The following CNTNAP1 variants were observed in gnomAD, a reference collection of about 807,000 sequenced individuals.
The protein encoded by CNTNAP1 is contactin associated protein 1.
Under a neutral mutation model 161.5 loss-of-function variants are expected in CNTNAP1, and 80 were observed. The ratio of observed to expected loss-of-function variants is 0.50; its 90% confidence interval spans 0.41 to 0.60. The LOEUF is 0.60. Among genes scored for constraint, CNTNAP1 ranks in the 20% least tolerant of loss-of-function variants. CNTNAP1 has a pLI of 0.00. For synonymous variants in CNTNAP1, 695 were observed against 733.1 expected (o/e 0.95, Z 0.84); for missense variants, 1,464 against 1,854.8 (o/e 0.79, Z 3.87).
Position 42,690,066 on chromosome 17 carries a change from G to A in CNTNAP1, c.1736-22G>A, listed in dbSNP as rs3760386. The A allele has an allele frequency of 0.52, 836,108 of 1,610,640 alleles. 219,544 individuals carry two copies. Among genetic ancestry groups the A allele is most frequent in the South Asian group, 0.63 (57,431 of 91,038 alleles). The stretch of plus-strand genomic sequence containing the variant: ...GCCCTCTAACTCTCTAACTGCCTTT[G>A]TCTCAACCTATTATCTGCCAGCTTT... On this transcript the variant is annotated intron_variant, in intron 11 of 23. Coordinates refer to ENST00000264638, the MANE Select transcript of CNTNAP1 (RefSeq NM_003632.3).
rs2143655542 is a variant in CNTNAP1, at chr17:42,687,775, G to A, written c.1100G>A (p.Gly367Asp). Reference sequence around the variant, plus strand: ...GTACCGCACCCTATCAACTTCGGAGGCCCTCACAACTTCGTTCAAGTGCCC... The same window carrying A: ...GTACCGCACCCTATCAACTTCGGAGACCCTCACAACTTCGTTCAAGTGCCC... ...DPVPHPINFGGPHNFVQVPGF... is the reference protein window; with the variant it reads ...DPVPHPINFGDPHNFVQVPGF... Residue 367 changes from glycine (G) to aspartate (D), a missense_variant, in exon 8 of 24, where the codon GGC becomes GAC. Physicochemically the swap from Gly to Asp is moderately conservative, Grantham distance 94 (BLOSUM62 -1). Transcript: ENST00000264638. This position sits in a 1 kb window ranked among gnomAD's most constrained non-coding sequence, Gnocchi z 4.7. 3 of 1,614,230 alleles carry A rather than the reference G, an allele frequency of 1.9e-6. No homozygotes were observed. Among genetic ancestry groups the A allele is most frequent in the Non-Finnish European group, 2.5e-6 (3 of 1,180,032 alleles).
chr17:42,685,513 C>T lies in CNTNAP1; in HGVS notation c.715+93C>T, dbSNP rs114045118. The stretch of plus-strand genomic sequence containing the variant: ...ACCTCCTCCGCGCATCCGCGCTCAG[C>T]CTGGTCTTCCACTTCTCTAAGGCCT... On this transcript the variant is annotated intron_variant, in intron 5 of 23. Coordinates refer to ENST00000264638, the MANE Select transcript of CNTNAP1 (RefSeq NM_003632.3). The surrounding 1 kb of genome is among the most constrained non-coding windows in gnomAD (Gnocchi z 5.0). 2.4e-5 allele frequency: 30 copies of T among 1,231,000 alleles called. No homozygotes were observed. The African/African-American group carries it at 3.9e-4, about 16-fold the overall frequency. The allele number at this position is 1,231,000 out of a possible 1,614,324, so 76.3% of individuals were successfully genotyped here.
At chr17:42,689,474 C>A in intron 10 of CNTNAP1, 47 bp from the exon 11 acceptor site, 1 of 1,478,692 alleles carries the variant, frequency 6.8e-7, no homozygotes. Context: ...ACCCCACTCT[C>A]CAGCTCCCAG....
chr17:42,692,679 A>T lies in CNTNAP1; in HGVS notation c.2711A>T (p.Gln904Leu). The T allele has an allele frequency of 6.2e-7, 1 of 1,614,114 alleles. No individual in the cohort carries two copies. Among genetic ancestry groups the T allele is most frequent in the Middle Eastern group, 1.7e-4 (1 of 6,052 alleles). Reference sequence around the variant, plus strand: ...TGGGTTCTGCGGCCTATGCCACTGCAGACCTACATCTGGATGGAGTATGAC... The same window carrying T: ...TGGGTTCTGCGGCCTATGCCACTGCTGACCTACATCTGGATGGAGTATGAC... ...RPWVLRPMPL[Q>L]TYIWMEYDQP... The change falls in exon 17 of 24, where the codon CAG becomes CTG. Residue 904 changes from glutamine (Q) to leucine (L), a missense_variant. Around this residue, in one of 3 missense-constraint regions of CNTNAP1, gnomAD observed 1,383 missense variants for 1,765.0 expected, o/e 0.78. Transcript: ENST00000264638.
Position 42,683,866 on chromosome 17 carries a change from T to G in CNTNAP1, c.113T>G (p.Leu38Arg). ...GTGGGTCCCCTGTATGCACGCTCCC[T>G]GGGCGCCTCCTCCTACTACAGTCTC... is the stretch of plus-strand genomic sequence containing the variant. ...ELVGPLYARSLGASSYYSLLT... is the reference protein window; with the variant it reads ...ELVGPLYARSRGASSYYSLLT... Residue 38 changes from leucine to arginine, a missense_variant, in exon 2 of 24, where the codon CTG becomes CGG. This residue lies in a region of CNTNAP1 where 77 missense variants were observed against 73.6 expected (regional missense o/e 1.05). Coordinates refer to ENST00000264638, the MANE Select transcript of CNTNAP1 (RefSeq NM_003632.3). 6.2e-7 allele frequency: 1 copy of G among 1,613,256 alleles called. No homozygotes were observed.
In CNTNAP1 at chr17:42,699,041, C is replaced by G. The variant is rs954489042; in HGVS notation, c.*131C>G. 10 of 734,692 alleles carry G rather than the reference C, an allele frequency of 1.4e-5. No individual in the cohort carries two copies. The highest frequency in any genetic ancestry group is 1.9e-5 in the Non-Finnish European group (9 of 482,156). 45.5% of individuals were successfully genotyped at this position (734,692 alleles called of 1,614,324 possible). ...TCCAGAGGATATTCCCCCATCCCCC[C>G]CCCATCAAGTTTGGTGGGCAGAGCT... On this transcript the variant is annotated 3_prime_UTR_variant, in exon 24 of 24. Coordinates refer to ENST00000264638, the MANE Select transcript of CNTNAP1 (RefSeq NM_003632.3).
Position 42,691,978 on chromosome 17 carries a change from G to C in CNTNAP1, c.2517G>C (p.Arg839=), listed in dbSNP as rs375576310. 1 of 1,613,916 alleles carries C rather than the reference G, an allele frequency of 6.2e-7. No homozygotes were observed. Among genetic ancestry groups the C allele is most frequent in the African/African-American group, 1.3e-5 (1 of 74,918 alleles). The change falls in exon 16 of 24, where the codon CGG becomes CGC. Residue 839 remains arginine (R), a synonymous_variant. Coordinates refer to ENST00000264638, the MANE Select transcript of CNTNAP1 (RefSeq NM_003632.3). The surrounding 1 kb of genome is among the most constrained non-coding windows in gnomAD (Gnocchi z 4.3). ...GCCAGTGGCGCCGACCTTATGTGCG[G>C]GTGGAACTCAACAGTGAGCAGGCAG... ...PYCQWRRPYV[R]VELNTSRDVV...
rs1249583398 is a variant in CNTNAP1 at position 42,682,757 on chromosome 17, G to T, written c.-73G>T. ...CTGCAAACCCCAGGAGGAGAGCTTG[G>T]AGCCCAAGCCAGAACTCGAGCCCTA... On this transcript the variant is annotated 5_prime_UTR_variant, in exon 1 of 24. Transcript: ENST00000264638. 2.7e-6 allele frequency: 4 copies of T among 1,478,106 alleles called. No individual in the cohort carries two copies. Among genetic ancestry groups the T allele is most frequent in the Non-Finnish European group, 3.7e-6 (4 of 1,090,820 alleles). 91.6% of individuals were successfully genotyped at this position (1,478,106 alleles called of 1,614,324 possible). A position where few individuals can be genotyped will look rare whatever the true frequency, so the allele number is the denominator to read the frequency against.
intron 6 of CNTNAP1, among the ~76,000 whole-genome samples, 156 bp downstream of exon 6, chr17:42,686,297 G>T (rs1411633985): frequency 6.6e-6 from 1 of 151,938 alleles, no homozygotes. Context: ...CCAGCACTTT[G>T]GGAGGCTGAG....
Position 42,685,183 on chromosome 17 carries a change from C to T in CNTNAP1, c.512-34C>T. 6.2e-7 allele frequency: 1 copy of T among 1,611,456 alleles called. No individual in the cohort carries two copies. The highest frequency in any genetic ancestry group is 1.3e-5 in the African/African-American group (1 of 75,026). On this transcript the variant is annotated intron_variant, in intron 4 of 23. Coordinates refer to ENST00000264638, the MANE Select transcript of CNTNAP1 (RefSeq NM_003632.3). The surrounding 1 kb of genome is among the most constrained non-coding windows in gnomAD (Gnocchi z 5.0). ...GGAGGGGGCCTGGGAGACAGCCTCCCCAGTTCCCGGCCCACCTACGGTCCT... is the reference window on the plus strand; with the variant it reads ...GGAGGGGGCCTGGGAGACAGCCTCCTCAGTTCCCGGCCCACCTACGGTCCT...
At chr17:42,689,381 C>T (rs2053057035) in intron 10 of CNTNAP1, 140 bp from the exon 11 acceptor site, 1 of 662,148 alleles carries the variant, frequency 1.5e-6, no homozygotes, top group Middle Eastern at 2.6e-4. Flanking sequence ...TGCATCTGCG[C>T]TTATACCCGG....
Position 42,697,736 on chromosome 17 carries a change from G to A in CNTNAP1, c.3751G>A (p.Gly1251Arg), listed in dbSNP as rs749675222. 5 of 1,614,162 alleles carry A rather than the reference G, an allele frequency of 3.1e-6. No individual in the cohort carries two copies. The highest frequency in any genetic ancestry group is 1.3e-5 in the African/African-American group (1 of 75,022). Residue 1251 changes from glycine (G) to arginine (R), a missense_variant, in exon 22 of 24, where the codon GGA (glycine) becomes AGA (arginine). Coordinates refer to ENST00000264638, the MANE Select transcript of CNTNAP1 (RefSeq NM_003632.3). ...VQGELSESNC[G>R]AMPRLVSEVP... ...GGGAGAACTGTCCGAATCTAATTGC[G>A]GAGCTATGCCACGTCTTGTTTCAGA...
rs957895889 is a variant in CNTNAP1, at chr17:42,699,035, T to TC, written c.*134dup. 3,389 of 607,200 alleles carry TC rather than the reference T, an allele frequency of 5.6e-3. 2 individuals are homozygous for TC. The highest frequency in any genetic ancestry group is 0.014 in the East Asian group (387 of 27,844). 37.6% of individuals were successfully genotyped at this position (607,200 alleles called of 1,614,324 possible). On this transcript the variant is annotated 3_prime_UTR_variant, in exon 24 of 24. Coordinates refer to ENST00000264638, the MANE Select transcript of CNTNAP1 (RefSeq NM_003632.3). ...TGCTCATCCAGAGGATATTCCCCCA[T>TC]CCCCCCCCCATCAAGTTTGGTGGGC...
Position 42,685,886 on chromosome 17 carries a change from T to C in CNTNAP1, c.716-71T>C, listed in dbSNP as rs1170429339. Reference sequence around the variant, plus strand: ...CCTGGGCTTTGTTACACGCTGCTGCTCTGCCTAGGAGCTTGGACTCCATGG... The same window carrying C: ...CCTGGGCTTTGTTACACGCTGCTGCCCTGCCTAGGAGCTTGGACTCCATGG... On this transcript the variant is annotated intron_variant, in intron 5 of 23. Transcript: ENST00000264638. The surrounding 1 kb of genome is among the most constrained non-coding windows in gnomAD (Gnocchi z 5.0). 2 of 1,528,128 alleles carry C rather than the reference T, an allele frequency of 1.3e-6. No homozygotes were observed. The highest frequency in any genetic ancestry group is 1.2e-5 in the South Asian group (1 of 85,772). The allele number at this position is 1,528,128 out of a possible 1,614,324, so 94.7% of individuals were successfully genotyped here.
In CNTNAP1 at chr17:42,685,455, C is replaced by G. The variant is rs780385946; in HGVS notation, c.715+35C>G. On this transcript the variant is annotated intron_variant, in intron 5 of 23. Coordinates refer to ENST00000264638, the MANE Select transcript of CNTNAP1 (RefSeq NM_003632.3). This position sits in a 1 kb window ranked among gnomAD's most constrained non-coding sequence, Gnocchi z 5.0. The stretch of plus-strand genomic sequence containing the variant: ...GCGACCATGTGCGATGCGGAGCCAA[C>G]CCCTGAAGCTCTCTCACCGCCCTCC... 1.3e-6 allele frequency: 2 copies of G among 1,573,894 alleles called. No homozygotes were observed. Among genetic ancestry groups the G allele is most frequent in the African/African-American group, 2.7e-5 (2 of 74,372 alleles).
chr17:42,686,042 G>A lies in CNTNAP1; in HGVS notation c.801G>A (p.Arg267=), dbSNP rs1239947774. ...ATGACCAGCACTGGCACTATGTGCG[G>A]GTGGACCGATTTGGCCGCGATGTAA... ...VLNDQHWHYV[R]VDRFGRDVNF... is the part of the protein sequence containing the mutation. The change falls in exon 6 of 24, where the codon CGG becomes CGA. Residue 267 remains arginine (R), a synonymous_variant. Transcript: ENST00000264638. 8 of 1,614,044 alleles carry A rather than the reference G, an allele frequency of 5.0e-6. No homozygotes were observed. The highest frequency in any genetic ancestry group is 6.8e-6 in the Non-Finnish European group (8 of 1,180,038).
intron 6 of CNTNAP1, among the ~76,000 whole-genome samples, chr17:42,686,486 T>TTTTTG (rs1567970574): frequency 1.0e-4 from 15 of 147,568 alleles, no homozygotes; most frequent in Admixed American, 8.7e-4. Context: ...TTTTTTTTTT[T>TTTTTG]TTTTTTTGTG....
chr17:42,695,709 G>A lies in CNTNAP1; in HGVS notation c.3181G>A (p.Asp1061Asn), dbSNP rs1427639759. The A allele has an allele frequency of 3.1e-6, 5 of 1,614,172 alleles. No individual in the cohort carries two copies. Among genetic ancestry groups the A allele is most frequent in the Admixed American group, 1.7e-5 (1 of 60,004 alleles). ...CCATGGCCCCGGGTACCGCCTGCCC[G>A]ACTACCCCCGGCCTGGTCGGCCTGT... is the stretch of plus-strand genomic sequence containing the variant. ...GYHGPGYRLP[D>N]YPRPGRPVPG... is the part of the protein sequence containing the mutation. The change falls in exon 19 of 24, where the codon GAC (aspartate) becomes AAC (asparagine). Residue 1061 changes from aspartate to asparagine, a missense_variant. Around this residue, in one of 3 missense-constraint regions of CNTNAP1, gnomAD observed 1,383 missense variants for 1,765.0 expected, o/e 0.78. Transcript: ENST00000264638.
At chr17:42,688,370 G>T in intron 8 of CNTNAP1, 92 bp from the exon 9 acceptor site, 1 of 1,549,486 alleles carries the variant, frequency 6.5e-7, no homozygotes, top group South Asian at 1.1e-5. Context: ...CTGCTACTGG[G>T]ACACAGTGGG....
Sources: allele counts gnomAD v4.1 joint callset (sites outside exome capture counted in the v4.1 genomes callset), GRCh38; gene constraint gnomAD v4.1.1; regional missense constraint gnomAD v4.1.1; non-coding constraint Gnocchi (gnomAD v3.1); transcripts MANE v1.5; gene names NCBI Gene and HGNC (gene_info 2026-07-23, HGNC 2026-07-21).